Variants in VTI1A observed in about 807,000 individuals in gnomAD.
The protein encoded by VTI1A is vesicle transport through interaction with t-SNAREs homolog 1A.
A neutral mutation model predicts 34.9 loss-of-function variants in VTI1A; 22 were observed. That is an observed-to-expected ratio of 0.63 (90% confidence interval 0.45 to 0.90). The LOEUF is 0.90. Ranked by LOEUF, VTI1A falls within the 40% of genes least tolerant of loss-of-function variation. VTI1A has a pLI of 0.00. For synonymous variants in VTI1A, 87 were observed against 97.3 expected (o/e 0.89, Z 0.62); for missense variants, 268 against 275.6 (o/e 0.97, Z 0.20).
intron 5 of VTI1A, among the ~76,000 whole-genome samples, chr10:112,606,316 C>T (rs368637181): frequency 5.3e-5 from 8 of 152,098 alleles, no homozygotes; most frequent in African/African-American, 9.7e-5. Flanking sequence ...TGAGCCACCG[C>T]GCCCGGCCAT....
At chr10:112,661,999 T>TG (rs1847479777) in intron 5 of VTI1A, among the ~76,000 whole-genome samples, 1 of 152,172 alleles carries the variant, frequency 6.6e-6, no homozygotes, top group Non-Finnish European at 1.5e-5. Context: ...CTTGAACTCC[T>TG]GACCTCAGGT....
At chr10:112,784,920 T>A (rs1271861528) in intron 7 of VTI1A, among the ~76,000 whole-genome samples, 1 of 152,214 alleles carries the variant, frequency 6.6e-6, no homozygotes, top group Non-Finnish European at 1.5e-5. Context: ...TCTGCATAGC[T>A]GAAAACACAG....
chr10:112,773,827 T>C (rs1465441047), intron 7 of VTI1A, among the ~76,000 whole-genome samples: 1 of 152,214 alleles, frequency 6.6e-6, no homozygotes, highest in Non-Finnish European at 1.5e-5. Flanking sequence ...CAGGATCTAA[T>C]ATCTTATCTG....
intron 7 of VTI1A, among the ~76,000 whole-genome samples, chr10:112,724,345 A>G (rs377001151): frequency 2.0e-5 from 3 of 152,310 alleles, no homozygotes; most frequent in Non-Finnish European, 1.5e-5. Flanking sequence ...TTACCGTGAC[A>G]TATTGCCAGC....
At chr10:112,756,971 A>C (rs923700927) in intron 7 of VTI1A, among the ~76,000 whole-genome samples, 5 of 151,610 alleles carry the variant, frequency 3.3e-5, no homozygotes, top group Non-Finnish European at 7.4e-5. Context: ...ACTGGAGCTC[A>C]GGAGGTCAAG....
At chr10:112,695,038 C>G (rs1457751942) in intron 7 of VTI1A, among the ~76,000 whole-genome samples, 1 of 152,112 alleles carries the variant, frequency 6.6e-6, no homozygotes. Context: ...ATAAATTCAT[C>G]TTCCATTTGT....
chr10:112,492,104 A>G (rs1848844852), intron 3 of VTI1A, among the ~76,000 whole-genome samples: 1 of 152,190 alleles, frequency 6.6e-6, no homozygotes, highest in Admixed American at 6.5e-5. Flanking sequence ...TAATGTTCTT[A>G]AAAGGCAGCT....
intron 5 of VTI1A, among the ~76,000 whole-genome samples, chr10:112,648,017 G>A (rs921893914): frequency 2.0e-5 from 3 of 152,148 alleles, no homozygotes; most frequent in East Asian, 3.9e-4. Flanking sequence ...CAATCCGCCC[G>A]CCTCAGCCTC....
intron 5 of VTI1A, among the ~76,000 whole-genome samples, chr10:112,632,794 T>G (rs1386752914): frequency 6.6e-6 from 1 of 152,152 alleles, no homozygotes; most frequent in Non-Finnish European, 1.5e-5. Flanking sequence ...ACAGTGCTTG[T>G]GGATTGGTTT....
chr10:112,679,032 T>C (rs1436262786), intron 7 of VTI1A, among the ~76,000 whole-genome samples: 2 of 152,234 alleles, frequency 1.3e-5, no homozygotes, highest in Non-Finnish European at 2.9e-5. Flanking sequence ...TTGATAATTA[T>C]TATTTACACT....
intron 3 of VTI1A, among the ~76,000 whole-genome samples, chr10:112,521,235 C>A (rs1850019114): frequency 6.6e-6 from 1 of 151,902 alleles, no homozygotes; most frequent in Admixed American, 6.6e-5. Context: ...TAAAGAAATG[C>A]AGTAAAATTT....
rs1387861049 is a variant in VTI1A at position 112,808,663 on chromosome 10, A to AACC, written c.561-6625_561-6623dup. Among the ~76,000 whole-genome samples the AACC allele has an allele frequency of 4.0e-5, 6 of 151,638 alleles. No homozygotes were observed. In the East Asian group the frequency reaches 1.2e-3, roughly 29 times the overall value. On this transcript the variant is annotated intron_variant, in intron 7 of 7. Transcript: ENST00000393077. ...AAAAAAAGAAAGCGAGAGAATCCCC[A>AACC]ACCATACTTGCTGCAGTCAATGGGG...
chr10:112,701,073 T>C (rs763960737), intron 7 of VTI1A, among the ~76,000 whole-genome samples: 80 of 152,320 alleles, frequency 5.3e-4, no homozygotes, highest in Middle Eastern at 6.8e-3. Flanking sequence ...TAAAGGGTCA[T>C]TTTTGAGCAA....
chr10:112,648,887 A>G (rs1041516385), intron 5 of VTI1A, among the ~76,000 whole-genome samples: 1 of 152,190 alleles, frequency 6.6e-6, no homozygotes, highest in Non-Finnish European at 1.5e-5. Context: ...GTCAGTGGGT[A>G]AAATATATAT....
At chr10:112,453,273 T>G (rs1847308841) in intron 1 of VTI1A, among the ~76,000 whole-genome samples, 1 of 152,200 alleles carries the variant, frequency 6.6e-6, no homozygotes, top group Non-Finnish European at 1.5e-5. Flanking sequence ...ACTACTGATG[T>G]TAACCTTTAT....
At chr10:112,638,735 A>AC (rs565493480) in intron 5 of VTI1A, among the ~76,000 whole-genome samples, 1 of 139,858 alleles carries the variant, frequency 7.2e-6, no homozygotes, top group East Asian at 2.1e-4. Context: ...TATTTCTTTA[A>AC]TTTTTTTTTT....
intron 7 of VTI1A, among the ~76,000 whole-genome samples, chr10:112,732,366 G>C (rs773779754): frequency 3.9e-5 from 6 of 152,132 alleles, no homozygotes. Flanking sequence ...GGGTTCATGT[G>C]ACCATGCAAA....
In VTI1A at chr10:112,545,818, C is replaced by CGT. The variant is rs143797429; in HGVS notation, c.427+7498_427+7499dup. ...GGATAAATGTCATTTCATTGAATCTCGTGTGTGTGTGCGCACGCGTGCGCG... is the reference window on the plus strand; with the variant it reads ...GGATAAATGTCATTTCATTGAATCTCGTGTGTGTGTGTGCGCACGCGTGCGCG... On this transcript the variant is annotated intron_variant, in intron 5 of 7. Transcript: ENST00000393077. Among the ~76,000 whole-genome samples, 27 of 151,954 alleles carry CGT rather than the reference C, an allele frequency of 1.8e-4. No individual in the cohort carries two copies. In the East Asian group the frequency reaches 4.8e-3, roughly 27 times the overall value.
intron 7 of VTI1A, among the ~76,000 whole-genome samples, chr10:112,814,870 A>T (rs551537102): frequency 4.6e-5 from 7 of 152,242 alleles, no homozygotes; most frequent in African/African-American, 1.7e-4. Flanking sequence ...CATTGCTGAC[A>T]TGTGTTTCCT....
Sources: allele counts gnomAD v4.1 joint callset (sites outside exome capture counted in the v4.1 genomes callset), GRCh38; gene constraint gnomAD v4.1.1; transcripts MANE v1.5; gene names NCBI Gene and HGNC (gene_info 2026-07-23, HGNC 2026-07-21).